The following SPIDR variants were observed in gnomAD, a reference collection of about 807,000 sequenced individuals.
SPIDR encodes scaffold protein involved in DNA repair, also known as DNA repair-scaffolding protein.
A neutral mutation model predicts 104.6 loss-of-function variants in SPIDR; 93 were observed. The observed-to-expected ratio is 0.89, with a 90% CI of 0.75 to 1.06. SPIDR has a LOEUF of 1.06. Ranked by LOEUF, SPIDR falls within the 50% of genes least tolerant of loss-of-function variation. The probability of loss-of-function intolerance (pLI) is 0.00; values close to 1 mark genes in which losing one functional copy is unlikely to be tolerated. For synonymous variants in SPIDR, 431 were observed against 416.9 expected, an observed-to-expected ratio of 1.03 and a Z score of -0.41; for missense variants, 1,154 against 1,111.2, an observed-to-expected ratio of 1.04 and a Z score of -0.55.
chr8:47,608,145 C>T (rs1347185423), intron 10 of SPIDR, among the ~76,000 whole-genome samples: 2 of 152,186 alleles, frequency 1.3e-5, no homozygotes, highest in Non-Finnish European at 2.9e-5. Context: ...CACTCATCTA[C>T]TTTTTGTCGC....
At chr8:47,698,612 T>A in intron 11 of SPIDR, among the ~76,000 whole-genome samples, 1 of 152,238 alleles carries the variant, frequency 6.6e-6, no homozygotes, top group East Asian at 1.9e-4. Context: ...GCTGGTAGCA[T>A]CCTCTAAATA....
At chr8:47,336,208 T>C (rs2049709498) in intron 5 of SPIDR, among the ~76,000 whole-genome samples, 1 of 152,240 alleles carries the variant, frequency 6.6e-6, no homozygotes, top group African/African-American at 2.4e-5. Context: ...ATTTTAAAAA[T>C]CTGTTCACCA....
At chr8:47,378,737 G>A (rs1412934618) in intron 5 of SPIDR, among the ~76,000 whole-genome samples, 2 of 152,190 alleles carry the variant, frequency 1.3e-5, no homozygotes, top group African/African-American at 2.4e-5. Context: ...TTCAAAGAAG[G>A]ATCATTATGT....
intron 16 of SPIDR, among the ~76,000 whole-genome samples, chr8:47,717,341 G>A (rs1362620829): frequency 6.6e-6 from 1 of 152,266 alleles, no homozygotes; most frequent in African/African-American, 2.4e-5. Flanking sequence ...CACAGTGAAG[G>A]TCTCAGCTCT....
chr8:47,272,681 C>T (rs2035575933), intron 1 of SPIDR, among the ~76,000 whole-genome samples: 2 of 152,024 alleles, frequency 1.3e-5, no homozygotes, highest in African/African-American at 2.4e-5. Flanking sequence ...TGGGCACGTG[C>T]GTAGTGATGC....
chr8:47,451,581 AACACACAC>A (rs56269650), intron 8 of SPIDR, among the ~76,000 whole-genome samples: 1 of 148,038 alleles, frequency 6.8e-6, no homozygotes, highest in African/African-American at 2.5e-5. Context: ...ACCCTGCCAA[AACACACAC>A]ACACACACAC....
At chr8:47,504,618 G>A (rs1178826615) in intron 8 of SPIDR, among the ~76,000 whole-genome samples, 5 of 152,134 alleles carry the variant, frequency 3.3e-5, no homozygotes, top group Non-Finnish European at 7.3e-5. Flanking sequence ...ATCATCTGAA[G>A]CCTTCTTCTC....
chr8:47,365,111 TA>T (rs781355033), intron 5 of SPIDR, among the ~76,000 whole-genome samples: 1 of 152,186 alleles, frequency 6.6e-6, no homozygotes, highest in Non-Finnish European at 1.5e-5. Context: ...GGCAAAGACA[TA>T]CATGTGTTTT....
At chr8:47,297,412 A>G (rs998537512) in intron 5 of SPIDR, among the ~76,000 whole-genome samples, 6 of 152,044 alleles carry the variant, frequency 3.9e-5, no homozygotes, top group Non-Finnish European at 5.9e-5. Context: ...GACAGTTTTT[A>G]TCATGAAATA....
At chr8:47,727,377 C>CTA in intron 17 of SPIDR, 84 bp downstream of exon 17, 1 of 1,247,182 alleles carries the variant, frequency 8.0e-7, no homozygotes, top group South Asian at 1.3e-5. Flanking sequence ...GCCTTGCTAC[C>CTA]TCAGGTGACT....
chr8:47,613,676 T>C (rs2063889859), intron 10 of SPIDR, among the ~76,000 whole-genome samples: 1 of 152,206 alleles, frequency 6.6e-6, no homozygotes, highest in South Asian at 2.1e-4. Context: ...ACAATAACCA[T>C]CCTAATGGGT....
intron 10 of SPIDR, among the ~76,000 whole-genome samples, chr8:47,638,746 G>C (rs956014117): frequency 6.6e-6 from 1 of 152,162 alleles, no homozygotes; most frequent in African/African-American, 2.4e-5. Context: ...GGAGGAGATA[G>C]TGTGAGAATT....
intron 5 of SPIDR, among the ~76,000 whole-genome samples, chr8:47,362,502 A>ATC (rs1333056890): frequency 6.6e-6 from 1 of 152,150 alleles, no homozygotes. Flanking sequence ...GGTATGCCAG[A>ATC]TCTCTGCCAG....
At chr8:47,462,483 T>C (rs1423680755) in intron 8 of SPIDR, among the ~76,000 whole-genome samples, 1 of 152,142 alleles carries the variant, frequency 6.6e-6, no homozygotes, top group Non-Finnish European at 1.5e-5. Flanking sequence ...CTCCTGTCTA[T>C]CATTTTCCCC....
In SPIDR at chr8:47,450,670, A is replaced by G. The variant is rs1390694025; in HGVS notation, c.1097+10128A>G. On this transcript the variant is annotated intron_variant, in intron 8 of 19. Transcript: ENST00000297423. The stretch of plus-strand genomic sequence containing the variant: ...GCAACATTTGAACAAAATATTAGCA[A>G]ACAAATTACCATGCTCTTCCTAATC... Among the ~76,000 whole-genome samples the G allele has an allele frequency of 3.9e-5, 6 of 152,184 alleles. No homozygotes were observed. The East Asian group carries it at 1.2e-3, about 29-fold the overall frequency.
At chr8:47,377,676 A>G (rs1011941090) in intron 5 of SPIDR, among the ~76,000 whole-genome samples, 4 of 152,234 alleles carry the variant, frequency 2.6e-5, no homozygotes, top group Non-Finnish European at 4.4e-5. Context: ...GTTTCACCAT[A>G]AAGTATGTTG....
intron 1 of SPIDR, among the ~76,000 whole-genome samples, chr8:47,276,042 A>G (rs1314315425): frequency 2.0e-5 from 3 of 152,044 alleles, no homozygotes; most frequent in Non-Finnish European, 4.4e-5. Context: ...TTTCTTTTTT[A>G]GACAGATGGA....
intron 8 of SPIDR, among the ~76,000 whole-genome samples, chr8:47,565,990 ATATTTTTTTTTTTTTT>A (rs1280883545): frequency 1.0e-4 from 3 of 29,338 alleles, no homozygotes; most frequent in Non-Finnish European, 2.3e-4. Flanking sequence ...ATATATATAT[ATATTTTTTTTTTTTTT>A]TTTTTTTTTT....
chr8:47,662,904 C>T (rs1478657729), intron 10 of SPIDR, among the ~76,000 whole-genome samples: 4 of 152,218 alleles, frequency 2.6e-5, no homozygotes, highest in African/African-American at 9.6e-5. Flanking sequence ...GCAGCAGGCC[C>T]TCAACCAGAT....
Sources: gnomAD v4.1 joint callset for allele counts (sites outside exome capture counted in the v4.1 genomes callset) on GRCh38, gnomAD v4.1.1 for gene constraint, MANE v1.5 for transcripts, NCBI Gene and HGNC (gene_info 2026-07-23, HGNC 2026-07-21) for gene names.